Variants in ZBTB8A observed in about 807,000 individuals in gnomAD.
ZBTB8A encodes zinc finger and BTB domain-containing protein 8A.
Under a neutral mutation model 37.8 loss-of-function variants are expected in ZBTB8A, and 19 were observed. The ratio of observed to expected loss-of-function variants is 0.50; its 90% CI spans 0.35 to 0.74. The LOEUF is 0.74. Among genes scored for constraint, ZBTB8A ranks in the 30% least tolerant of loss-of-function variants. The pLI, the probability that ZBTB8A is intolerant of heterozygous loss-of-function variation, is 0.01. For synonymous variants in ZBTB8A, 181 were observed against 185.2 expected (o/e 0.98, Z 0.19); for missense variants, 394 against 537.8 (o/e 0.73, Z 2.65).
chr1:32,566,197 A>C (rs1203643901), intron 2 of ZBTB8A, among the ~76,000 whole-genome samples: 1 of 128,432 alleles, frequency 7.8e-6, no homozygotes, highest in African/African-American at 3.0e-5. Flanking sequence ...GCAAGACTCC[A>C]TCTCAAAAAA....
intron 4 of ZBTB8A, among the ~76,000 whole-genome samples, chr1:32,599,458 C>T (rs1039207575): frequency 1.3e-5 from 2 of 152,004 alleles, no homozygotes; most frequent in Non-Finnish European, 2.9e-5. Flanking sequence ...GTGCCTCACA[C>T]CTATAATCCC....
At chr1:32,567,252 G>A (rs907315249) in intron 2 of ZBTB8A, among the ~76,000 whole-genome samples, 3 of 152,032 alleles carry the variant, frequency 2.0e-5, no homozygotes, top group South Asian at 2.1e-4. Context: ...ACCAGATCTC[G>A]TAAGAACTCA....
intron 4 of ZBTB8A, among the ~76,000 whole-genome samples, chr1:32,597,564 T>C (rs1231500670): frequency 6.6e-6 from 1 of 152,186 alleles, no homozygotes; most frequent in Non-Finnish European, 1.5e-5. Context: ...TCTCAATCCA[T>C]TTCCTTTAGT....
intron 1 of ZBTB8A, among the ~76,000 whole-genome samples, chr1:32,543,364 T>G (rs1428075805): frequency 6.6e-6 from 1 of 152,080 alleles, no homozygotes; most frequent in African/African-American, 2.4e-5. Flanking sequence ...GGATTACAGG[T>G]GTGAGCCACT....
chr1:32,593,392 G>T lies in ZBTB8A; in HGVS notation c.461G>T (p.Gly154Val). ...GAACGTTCCTCTTTTTATAGTGGTG[G>T]CTGGCAAGAAGGAAGCAGTTCTCCA... is the stretch of plus-strand genomic sequence containing the variant. ...GVERSSFYSG[G>V]WQEGSSSPRS... The change falls in exon 3 of 5, where the codon GGC (glycine) becomes GTC (valine). Residue 154 changes from glycine (G) to valine (V), a missense_variant. This residue lies in a region of ZBTB8A where 171 missense variants were observed against 186.8 expected (regional missense o/e 0.92). Transcript: ENST00000373510. The T allele has an allele frequency of 6.2e-7, 1 of 1,613,510 alleles. No individual in the cohort carries two copies.
chr1:32,572,196 G>A (rs1328987157), intron 2 of ZBTB8A, among the ~76,000 whole-genome samples: 3 of 152,034 alleles, frequency 2.0e-5, no homozygotes, highest in Non-Finnish European at 4.4e-5. Flanking sequence ...TTTTCTCCTT[G>A]TCTATTTTAT....
chr1:32,598,185 T>G (rs1644547330), intron 4 of ZBTB8A, among the ~76,000 whole-genome samples: 1 of 151,890 alleles, frequency 6.6e-6, no homozygotes, highest in Admixed American at 6.6e-5. Flanking sequence ...TCCATACATT[T>G]TCCTACATAT....
chr1:32,552,177 A>G (rs1644162030), intron 1 of ZBTB8A, among the ~76,000 whole-genome samples: 1 of 152,150 alleles, frequency 6.6e-6, no homozygotes, highest in Non-Finnish European at 1.5e-5. Context: ...CAGCCTGGGC[A>G]ACATGACGAA....
chr1:32,573,102 C>G (rs1644334162), intron 2 of ZBTB8A, among the ~76,000 whole-genome samples: 1 of 143,484 alleles, frequency 7.0e-6, no homozygotes, highest in Non-Finnish European at 1.5e-5. Context: ...ACTGGGTCTC[C>G]CTCTGTCACC....
At chr1:32,587,935 A>G (rs1470926090) in intron 2 of ZBTB8A, among the ~76,000 whole-genome samples, 1 of 152,094 alleles carries the variant, frequency 6.6e-6, no homozygotes, top group Non-Finnish European at 1.5e-5. Flanking sequence ...ATGCCTACAT[A>G]ATGAAGTTTC....
At chr1:32,539,892 G>C (rs942967526) in intron 1 of ZBTB8A, among the ~76,000 whole-genome samples, 38 of 149,998 alleles carry the variant, frequency 2.5e-4, no homozygotes, top group Non-Finnish European at 3.7e-4. Context: ...GGCGTGTCTG[G>C]AGCCGTCGGG....
At chr1:32,563,040 G>T (rs1343930244) in intron 2 of ZBTB8A, among the ~76,000 whole-genome samples, 1 of 152,116 alleles carries the variant, frequency 6.6e-6, no homozygotes, top group African/African-American at 2.4e-5. Context: ...TTTAAAGTAG[G>T]TATACTGAGT....
chr1:32,587,437 G>A (rs1272787728), intron 2 of ZBTB8A, among the ~76,000 whole-genome samples: 1 of 151,636 alleles, frequency 6.6e-6, no homozygotes, highest in Non-Finnish European at 1.5e-5. Context: ...CTGTAGGAAA[G>A]GTAGATTTAG....
At chr1:32,550,651 C>A (rs1469271194) in intron 1 of ZBTB8A, among the ~76,000 whole-genome samples, 4 of 151,452 alleles carry the variant, frequency 2.6e-5, no homozygotes, top group African/African-American at 9.7e-5. Context: ...AAAAAGAGAT[C>A]AGTTCTCTTA....
intron 2 of ZBTB8A, among the ~76,000 whole-genome samples, chr1:32,560,387 T>A (rs1470804044): frequency 6.6e-6 from 1 of 152,160 alleles, no homozygotes; most frequent in Non-Finnish European, 1.5e-5. Context: ...ACCCTTGACC[T>A]GGGATGTCTC....
intron 2 of ZBTB8A, among the ~76,000 whole-genome samples, chr1:32,576,617 C>T (rs1357542722): frequency 3.9e-5 from 6 of 152,118 alleles, no homozygotes; most frequent in African/African-American, 7.2e-5. Flanking sequence ...TTAATAGAGA[C>T]GGGGTCTCAC....
intron 2 of ZBTB8A, among the ~76,000 whole-genome samples, chr1:32,577,861 G>A (rs1644374697): frequency 6.6e-6 from 1 of 151,840 alleles, no homozygotes; most frequent in Non-Finnish European, 1.5e-5. Flanking sequence ...GGGATTACAG[G>A]TGTGAGCCAC....
intron 1 of ZBTB8A, among the ~76,000 whole-genome samples, chr1:32,547,471 C>G (rs1644114759): frequency 6.6e-6 from 1 of 150,730 alleles, no homozygotes; most frequent in Non-Finnish European, 1.5e-5. Flanking sequence ...TTCCCTCCTG[C>G]CTTAGCCTCC....
chr1:32,587,151 A>T (rs1217549602), intron 2 of ZBTB8A, among the ~76,000 whole-genome samples: 4 of 151,952 alleles, frequency 2.6e-5, no homozygotes, highest in Non-Finnish European at 5.9e-5. Context: ...AGGTAGGAGA[A>T]TCGCTTGAAC....
Sources: gnomAD v4.1 joint callset for allele counts (sites outside exome capture counted in the v4.1 genomes callset) on GRCh38, gnomAD v4.1.1 for gene constraint, gnomAD v4.1.1 regional missense constraint, MANE v1.5 for transcripts, NCBI Gene and HGNC (gene_info 2026-07-23, HGNC 2026-07-21) for gene names.